Variants in CTNNA3 observed in about 807,000 individuals in gnomAD.
The protein encoded by CTNNA3 is catenin alpha-3.
Under a neutral mutation model 95.7 loss-of-function variants are expected in CTNNA3, and 76 were observed. That is an observed-to-expected ratio of 0.79 (90% CI 0.66 to 0.96). The LOEUF (loss-of-function observed/expected upper bound fraction) is 0.96, where lower values mean the gene tolerates loss of function less well. CTNNA3 is among the 40% of genes least tolerant of loss of function. The pLI is 0.00. For missense variants in CTNNA3, 1,191 were observed against 1,089.8 expected, an observed-to-expected ratio of 1.09 and a Z score of -1.31; for synonymous variants, 431 against 374.4, an observed-to-expected ratio of 1.15 and a Z score of -1.74.
chr10:67,116,844 T>G (rs1007528921), intron 7 of CTNNA3, among the ~76,000 whole-genome samples: 3 of 151,388 alleles, frequency 2.0e-5, no homozygotes, highest in Non-Finnish European at 4.4e-5. Flanking sequence ...ACTTTATATG[T>G]GTATAAACAC....
intron 13 of CTNNA3, among the ~76,000 whole-genome samples, chr10:66,150,146 C>T (rs906249081): frequency 9.2e-5 from 14 of 152,190 alleles, no homozygotes; most frequent in African/African-American, 3.1e-4. Context: ...GGGGGAACCC[C>T]GTGGGAGGTG....
intron 5 of CTNNA3, among the ~76,000 whole-genome samples, chr10:67,490,693 C>T (rs1243563960): frequency 1.3e-5 from 2 of 152,066 alleles, no homozygotes; most frequent in Non-Finnish European, 1.5e-5. Context: ...ATTCTACTCT[C>T]ATTGCAAAAA....
intron 17 of CTNNA3, among the ~76,000 whole-genome samples, chr10:65,948,750 T>A (rs1003994455): frequency 6.6e-6 from 1 of 152,234 alleles, no homozygotes; most frequent in South Asian, 2.1e-4. Flanking sequence ...TTGTTACCAT[T>A]TGTTATTCAT....
At chr10:67,571,033 C>A (rs902865890) in intron 3 of CTNNA3, among the ~76,000 whole-genome samples, 6 of 152,078 alleles carry the variant, frequency 3.9e-5, no homozygotes, top group Non-Finnish European at 8.8e-5. Context: ...AGTAACAGGA[C>A]TAAGTCTATG....
intron 12 of CTNNA3, among the ~76,000 whole-genome samples, chr10:66,313,053 G>A (rs2092046003): frequency 6.6e-6 from 1 of 152,120 alleles, no homozygotes; most frequent in Admixed American, 6.5e-5. Context: ...AAGGAAGAGA[G>A]TCTAGATTGA....
intron 1 of CTNNA3, among the ~76,000 whole-genome samples, chr10:67,688,302 ATTTC>A (rs1209524522): frequency 2.6e-5 from 4 of 151,718 alleles, no homozygotes; most frequent in African/African-American, 4.8e-5. Context: ...TCCTTTGGAG[ATTTC>A]TTTGTTTGTT....
intron 7 of CTNNA3, among the ~76,000 whole-genome samples, chr10:67,001,040 T>C (rs139858210): frequency 0.019 from 2,834 of 152,078 alleles, 109 homozygotes; most frequent in African/African-American, 0.065. Context: ...CAGTGGCTCA[T>C]GCCTGTAATC....
chr10:66,665,838 T>G (rs979372008), intron 9 of CTNNA3, among the ~76,000 whole-genome samples: 1 of 152,142 alleles, frequency 6.6e-6, no homozygotes, highest in African/African-American at 2.4e-5. Context: ...TTCTAAACTA[T>G]TCTCAGAGAT....
At chr10:66,474,336 A>C (rs1473540719) in intron 11 of CTNNA3, among the ~76,000 whole-genome samples, 2 of 151,964 alleles carry the variant, frequency 1.3e-5, no homozygotes, top group Non-Finnish European at 2.9e-5. Flanking sequence ...GGCTTGTTTC[A>C]CTTTATCTTC....
chr10:67,195,571 A>T (rs1589849138), intron 6 of CTNNA3, among the ~76,000 whole-genome samples: 2 of 152,076 alleles, frequency 1.3e-5, no homozygotes, highest in South Asian at 2.1e-4. Flanking sequence ...TTGCATTTAA[A>T]TGCACTACCA....
intron 5 of CTNNA3, among the ~76,000 whole-genome samples, chr10:67,296,715 C>A (rs1801657946): frequency 6.6e-6 from 1 of 151,940 alleles, no homozygotes; most frequent in Non-Finnish European, 1.5e-5. Flanking sequence ...AGGAAGAACA[C>A]CTGAGGTCAG....
intron 12 of CTNNA3, among the ~76,000 whole-genome samples, chr10:66,374,646 G>A (rs1022692040): frequency 3.4e-5 from 4 of 116,482 alleles, no homozygotes; most frequent in African/African-American, 3.4e-5. Flanking sequence ...ACGGAGTCTC[G>A]CTCTGTCACC....
At chr10:66,044,264 T>C (rs1388882884) in intron 15 of CTNNA3, among the ~76,000 whole-genome samples, 3 of 152,216 alleles carry the variant, frequency 2.0e-5, no homozygotes, top group Admixed American at 6.5e-5. Flanking sequence ...GTGCTGGGAT[T>C]ACAGGCATGA....
chr10:67,095,909 GACA>G (rs1182817678), intron 7 of CTNNA3, among the ~76,000 whole-genome samples: 4 of 151,672 alleles, frequency 2.6e-5, no homozygotes, highest in Non-Finnish European at 5.9e-5. Flanking sequence ...TTTCATCTGT[GACA>G]ACAAGATTCT....
intron 1 of CTNNA3, among the ~76,000 whole-genome samples, chr10:67,761,888 AAG>A (rs1554881418): frequency 6.6e-5 from 10 of 151,884 alleles, no homozygotes; most frequent in African/African-American, 2.4e-4. Flanking sequence ...AAAAAAAAAA[AAG>A]AACAGAAACA....
chr10:67,255,143 A>G (rs1206466302), intron 5 of CTNNA3, among the ~76,000 whole-genome samples: 1 of 152,070 alleles, frequency 6.6e-6, no homozygotes, highest in Non-Finnish European at 1.5e-5. Context: ...TAAAAATACA[A>G]AATTAGCCAG....
At chr10:66,774,603 G>T (rs533084317) in intron 8 of CTNNA3, among the ~76,000 whole-genome samples, 6 of 152,184 alleles carry the variant, frequency 3.9e-5, no homozygotes, top group Admixed American at 2.6e-4. Flanking sequence ...CAAATTAAAA[G>T]ATTGCTTAGC....
chr10:66,821,985 C>T (rs1473496268), intron 7 of CTNNA3, among the ~76,000 whole-genome samples: 1 of 151,768 alleles, frequency 6.6e-6, no homozygotes, highest in Non-Finnish European at 1.5e-5. Flanking sequence ...TTTTGAAGCA[C>T]ACTGTTTAAA....
At chr10:66,528,503 A>C in intron 10 of CTNNA3, among the ~76,000 whole-genome samples, 1 of 152,172 alleles carries the variant, frequency 6.6e-6, no homozygotes, top group East Asian at 1.9e-4. Flanking sequence ...TCATTTGTAC[A>C]GACGCCTTCT....
Sources: allele counts gnomAD v4.1 joint callset (sites outside exome capture counted in the v4.1 genomes callset), GRCh38; gene constraint gnomAD v4.1.1; transcripts MANE v1.5; gene names NCBI Gene and HGNC (gene_info 2026-07-23, HGNC 2026-07-21).